HEMK2: variants seen among roughly 807,000 people sequenced by gnomAD.
HEMK2 encodes the protein methyltransferase HEMK2.
At chr21:28,688,879 G>A in the HEMK2 span, among the ~76,000 whole-genome samples, 1 of 151,998 alleles carries the variant, frequency 6.6e-6, no homozygotes, top group Non-Finnish European at 1.5e-5. Flanking sequence ...GCATAGACAG[G>A]AGATCTACAA....
At chr21:28,776,764 A>G in the HEMK2 span, among the ~76,000 whole-genome samples, 1 of 152,174 alleles carries the variant, frequency 6.6e-6, no homozygotes, top group African/African-American at 2.4e-5. Flanking sequence ...TTGGAGTCCA[A>G]TGTTCAAGGG....
At chr21:28,847,642 T>C in the HEMK2 span, among the ~76,000 whole-genome samples, 3 of 152,242 alleles carry the variant, frequency 2.0e-5, no homozygotes, top group Non-Finnish European at 4.4e-5. Context: ...CATTTATCAA[T>C]TTTTGTTTTT....
At chr21:28,848,873 C>T in the HEMK2 span, among the ~76,000 whole-genome samples, 1 of 152,318 alleles carries the variant, frequency 6.6e-6, no homozygotes, top group East Asian at 1.9e-4. Flanking sequence ...ACCCCAGTCA[C>T]TGCCAGTGTG....
At chr21:28,750,985 C>G in the HEMK2 span, among the ~76,000 whole-genome samples, 4 of 152,128 alleles carry the variant, frequency 2.6e-5, no homozygotes, top group Non-Finnish European at 1.5e-5. Context: ...AATCTCAGCA[C>G]TTTGGGAGGC....
chr21:28,685,275 T>C, the HEMK2 span, among the ~76,000 whole-genome samples: 1 of 152,336 alleles, frequency 6.6e-6, no homozygotes, highest in Middle Eastern at 3.4e-3. Context: ...TTTTAAATTG[T>C]TGGCATTATT....
the HEMK2 span, among the ~76,000 whole-genome samples, chr21:28,662,495 G>T: frequency 6.6e-6 from 1 of 152,098 alleles, no homozygotes; most frequent in Non-Finnish European, 1.5e-5. Flanking sequence ...TCAAAGTTAA[G>T]AACCCAAAAC....
the HEMK2 span, among the ~76,000 whole-genome samples, chr21:28,863,292 G>T: frequency 6.6e-6 from 1 of 150,624 alleles, no homozygotes; most frequent in African/African-American, 2.4e-5. Context: ...GCCCGTGAAC[G>T]CGGGACTCCT....
At chr21:28,822,766 T>C in the HEMK2 span, among the ~76,000 whole-genome samples, 1 of 152,164 alleles carries the variant, frequency 6.6e-6, no homozygotes, top group Non-Finnish European at 1.5e-5. Flanking sequence ...TGTGCCATAA[T>C]GACTTGATAT....
chr21:28,882,808 C>T, the HEMK2 span, among the ~76,000 whole-genome samples: 529 of 152,240 alleles, frequency 3.5e-3, 4 homozygotes, highest in African/African-American at 0.012. Flanking sequence ...TCTACAATTA[C>T]GTAGTATGAT....
chr21:28,681,292 C>T, the HEMK2 span, among the ~76,000 whole-genome samples: 67 of 152,238 alleles, frequency 4.4e-4, no homozygotes, highest in South Asian at 1.7e-3. Flanking sequence ...GAGTGAACTC[C>T]CATTCACAAT....
At chr21:28,696,498 T>G in the HEMK2 span, among the ~76,000 whole-genome samples, 2 of 152,070 alleles carry the variant, frequency 1.3e-5, no homozygotes, top group Non-Finnish European at 2.9e-5. Flanking sequence ...CCCTGTGGCT[T>G]TGCAGGGTAT....
the HEMK2 span, among the ~76,000 whole-genome samples, chr21:28,649,092 A>G: frequency 7.9e-5 from 12 of 152,094 alleles, no homozygotes; most frequent in African/African-American, 2.9e-4. Flanking sequence ...AGTTTCATCC[A>G]CGTCCCTACA....
At chr21:28,880,552 G>A in the HEMK2 span, among the ~76,000 whole-genome samples, 1 of 152,016 alleles carries the variant, frequency 6.6e-6, no homozygotes, top group Non-Finnish European at 1.5e-5. Flanking sequence ...GCCAACCCAT[G>A]GCCAACATGA....
chr21:28,809,690 T>A, the HEMK2 span, among the ~76,000 whole-genome samples: 1 of 152,318 alleles, frequency 6.6e-6, no homozygotes, highest in East Asian at 1.9e-4. Flanking sequence ...GGAAGCAATT[T>A]CTGCTATGTG....
chr21:28,815,731 A>G, the HEMK2 span, among the ~76,000 whole-genome samples: 1 of 152,354 alleles, frequency 6.6e-6, no homozygotes, highest in South Asian at 2.1e-4. Context: ...TTTGAGTAAA[A>G]GCAACAGCAT....
the HEMK2 span, among the ~76,000 whole-genome samples, chr21:28,617,031 AG>A: frequency 2.0e-5 from 3 of 152,244 alleles, no homozygotes; most frequent in Non-Finnish European, 2.9e-5. Context: ...TTAGTTGGTA[AG>A]GGAAAAAAAT....
At chr21:28,871,250 G>A in the HEMK2 span, among the ~76,000 whole-genome samples, 9 of 152,166 alleles carry the variant, frequency 5.9e-5, no homozygotes, top group South Asian at 1.5e-3. Flanking sequence ...ATTGGCTCAC[G>A]GTTCCACAGG....
At chr21:28,590,373 T>C in the HEMK2 span, among the ~76,000 whole-genome samples, 5 of 152,214 alleles carry the variant, frequency 3.3e-5, no homozygotes, top group East Asian at 1.9e-4. Context: ...AGATGAACCA[T>C]TGAAGTTCTA....
chr21:28,756,407 C>T, the HEMK2 span, among the ~76,000 whole-genome samples: 1 of 152,206 alleles, frequency 6.6e-6, no homozygotes, highest in Non-Finnish European at 1.5e-5. Context: ...CCTTTTTTCA[C>T]ACTTCACTCT....
Sources: allele counts gnomAD v4.1 joint callset (sites outside exome capture counted in the v4.1 genomes callset), GRCh38; gene constraint gnomAD v4.1.1; transcripts MANE v1.5; gene names NCBI Gene and HGNC (gene_info 2026-07-23, HGNC 2026-07-21).